Variants in EFCAB5 observed in about 807,000 individuals in gnomAD.
The protein encoded by EFCAB5 is EF-hand calcium binding domain 5.
A neutral mutation model predicts 167.9 loss-of-function variants in EFCAB5; 131 were observed. The observed-to-expected ratio is 0.78, with a 90% CI of 0.68 to 0.90. EFCAB5 has a LOEUF of 0.90. EFCAB5 is among the 40% of genes least tolerant of loss of function. EFCAB5 has a pLI of 0.00. For missense variants in EFCAB5, 1,663 were observed against 1,745.2 expected (o/e 0.95, Z 0.84); for synonymous variants, 574 against 602.8 (o/e 0.95, Z 0.70).
intron 14 of EFCAB5, among the ~76,000 whole-genome samples, chr17:30,077,064 C>T (rs554244823): frequency 9.2e-5 from 14 of 152,222 alleles, no homozygotes; most frequent in South Asian, 2.1e-4. Flanking sequence ...CACTTTGGGA[C>T]GCTGAGGTGG....
chr17:30,055,617 G>A (rs1474303995), intron 10 of EFCAB5, among the ~76,000 whole-genome samples: 1 of 152,180 alleles, frequency 6.6e-6, no homozygotes, highest in Non-Finnish European at 1.5e-5. Context: ...CTATTGTATA[G>A]TAATACCTAG....
chr17:29,943,703 G>T (rs2067338573), intron 3 of EFCAB5, 54 bp downstream of exon 3: 1 of 1,483,600 alleles, frequency 6.7e-7, no homozygotes, highest in Admixed American at 2.0e-5. Flanking sequence ...GCTGGGCGTG[G>T]TGGCTCATGC....
In EFCAB5 at chr17:30,087,148, G is replaced by A. The variant is rs755931955; in HGVS notation, c.3665G>A (p.Arg1222Lys). Residue 1222 changes from arginine to lysine, a missense_variant, in exon 19 of 23, where the codon AGG (arginine) becomes AAG (lysine). Arg to Lys is a conservative substitution (Grantham distance 26, BLOSUM62 2). Transcript: ENST00000394835. ...EIHKNPPTIH[R>K]KSCIFRDFLF... ...CACAAAAATCCTCCTACCATCCACA[G>A]GAAGTCATGCATCTTCAGGTTAGAG... 20 of 1,613,622 alleles carry A rather than the reference G, an allele frequency of 1.2e-5. No homozygotes were observed. Among genetic ancestry groups the A allele is most frequent in the South Asian group, 2.2e-5 (2 of 91,072 alleles).
intron 22 of EFCAB5, among the ~76,000 whole-genome samples, chr17:30,096,677 A>ATATATATATATATTTT (rs1193558323): frequency 5.0e-5 from 3 of 60,122 alleles, no homozygotes; most frequent in African/African-American, 2.5e-4. Context: ...ATATATATAT[A>ATATATATATATATTTT]TTTTTTTTTT....
At chr17:30,016,688 G>A (rs1021825255) in intron 7 of EFCAB5, among the ~76,000 whole-genome samples, 6 of 151,950 alleles carry the variant, frequency 3.9e-5, no homozygotes, top group African/African-American at 1.5e-4. Context: ...AATACAATTG[G>A]AAAACAATAA....
chr17:30,107,705 C>A, intron 22 of EFCAB5, 129 bp from the exon 23 acceptor site: 1 of 767,110 alleles, frequency 1.3e-6, no homozygotes, highest in Non-Finnish European at 1.9e-6. Flanking sequence ...TACATATTTA[C>A]ACAAGATTCT....
Position 30,000,884 on chromosome 17 carries a change from C to T in EFCAB5, c.1044+908C>T, listed in dbSNP as rs187368305. 9.2e-5 allele frequency among the ~76,000 whole-genome samples: 14 copies of T among 152,308 alleles called. No homozygotes were observed. In the East Asian group the frequency reaches 2.7e-3, roughly 29 times the overall value. ...TATATCTCCCCTGTGATCCAGAATC[C>T]ATACTATGAACCATCTCCTTACTAA... On this transcript the variant is annotated intron_variant, in intron 7 of 22. Transcript: ENST00000394835.
chr17:30,057,708 TG>T lies in EFCAB5; in HGVS notation c.2399del (p.Cys800SerfsTer4), dbSNP rs1320867066. The T allele has an allele frequency of 6.2e-7, 1 of 1,613,630 alleles. No homozygotes were observed. The highest frequency in any genetic ancestry group is 8.5e-7 in the Non-Finnish European group (1 of 1,179,632). On this transcript the variant is annotated frameshift_variant, in exon 13 of 23. Coordinates refer to ENST00000394835, the MANE Select transcript of EFCAB5 (RefSeq NM_198529.4). LOFTEE classifies it high-confidence loss of function. ...CTCAATTATCAGAAATATTCAGTCT[TG>T]CAAGGAGGTAAAAGGCAGAACTGCC... ...LHSIIRNIQS[C>X]KEVKGRTAFN...
chr17:29,962,130 T>A (rs995525948), intron 3 of EFCAB5, among the ~76,000 whole-genome samples: 16 of 152,180 alleles, frequency 1.1e-4, no homozygotes, highest in African/African-American at 3.9e-4. Flanking sequence ...TCCTTCAAGT[T>A]TGTTCCTTTT....
intron 6 of EFCAB5, among the ~76,000 whole-genome samples, chr17:29,998,515 A>T (rs1358897372): frequency 2.6e-5 from 4 of 152,094 alleles, no homozygotes; most frequent in Non-Finnish European, 2.9e-5. Context: ...AGTTGCTCAA[A>T]CTCCAGTCAG....
chr17:30,076,529 T>C (rs1476258130), intron 14 of EFCAB5, among the ~76,000 whole-genome samples: 1 of 152,214 alleles, frequency 6.6e-6, no homozygotes, highest in African/African-American at 2.4e-5. Context: ...AACTCACACA[T>C]GATGTGATGT....
At chr17:30,034,501 C>A (rs2069566790) in intron 8 of EFCAB5, 116 bp downstream of exon 8, 4 of 1,248,306 alleles carry the variant, frequency 3.2e-6, no homozygotes, top group Non-Finnish European at 4.3e-6. Flanking sequence ...GAGTTTGAGA[C>A]CAGCCTGGAC....
At chr17:30,012,886 T>A (rs530095902) in intron 7 of EFCAB5, among the ~76,000 whole-genome samples, 119 of 152,322 alleles carry the variant, frequency 7.8e-4, no homozygotes, top group African/African-American at 2.8e-3. Flanking sequence ...TATGCCAGTT[T>A]TCAAAGGGAA....
At chr17:29,990,151 T>A (rs1463639880) in intron 4 of EFCAB5, among the ~76,000 whole-genome samples, 1 of 152,170 alleles carries the variant, frequency 6.6e-6, no homozygotes, top group Non-Finnish European at 1.5e-5. Context: ...ATAACTACTT[T>A]GATATACTTC....
chr17:29,944,837 G>T (rs1354413661), intron 3 of EFCAB5, among the ~76,000 whole-genome samples: 1 of 151,954 alleles, frequency 6.6e-6, no homozygotes, highest in Non-Finnish European at 1.5e-5. Context: ...TGGCCAGGCT[G>T]GTCTCAAACT....
At chr17:30,092,410 G>C (rs7213076) in intron 21 of EFCAB5, among the ~76,000 whole-genome samples, 1 of 151,678 alleles carries the variant, frequency 6.6e-6, no homozygotes, top group African/African-American at 2.4e-5. Context: ...TTTTTGAGAC[G>C]GAGTTTCACT....
In EFCAB5 at chr17:30,078,508, C is replaced by A; in HGVS notation, c.3027+4C>A. On this transcript the variant is annotated splice_donor_region_variant and intron_variant, in intron 15 of 22. Transcript: ENST00000394835. Reference sequence around the variant, plus strand: ...GACCTTTAAGGCCCTCATGCAGGTACGTTTCCTAAAGCAGTATGTAAGAGG... The same window carrying A: ...GACCTTTAAGGCCCTCATGCAGGTAAGTTTCCTAAAGCAGTATGTAAGAGG... The A allele has an allele frequency of 6.4e-7, 1 of 1,573,714 alleles. No homozygotes were observed. Among genetic ancestry groups the A allele is most frequent in the Non-Finnish European group, 8.6e-7 (1 of 1,158,256 alleles).
intron 19 of EFCAB5, among the ~76,000 whole-genome samples, chr17:30,088,196 C>T (rs566020466): frequency 2.0e-5 from 3 of 152,234 alleles, no homozygotes; most frequent in Admixed American, 2.0e-4. Flanking sequence ...GATCTTAGCT[C>T]ATGGCAGTCT....
At chr17:30,090,825 G>A (rs1315981104) in intron 20 of EFCAB5, among the ~76,000 whole-genome samples, 151 bp downstream of exon 20, 2 of 152,124 alleles carry the variant, frequency 1.3e-5, no homozygotes, top group Non-Finnish European at 2.9e-5. Context: ...GCAGTCTTGC[G>A]CTGACGAGTA....
Sources: gnomAD v4.1 joint callset for allele counts (sites outside exome capture counted in the v4.1 genomes callset) on GRCh38, gnomAD v4.1.1 for gene constraint, MANE v1.5 for transcripts, NCBI Gene and HGNC (gene_info 2026-07-23, HGNC 2026-07-21) for gene names.